Variants in MAP3K20 observed in about 807,000 individuals in gnomAD.
The protein encoded by MAP3K20 is HCCS-4.
MAP3K20 carries 40 observed loss-of-function variants against 85.7 expected under a neutral mutation model. That is an observed-to-expected ratio of 0.47 (90% confidence interval 0.36 to 0.61). The LOEUF is 0.61. Among genes scored for constraint, MAP3K20 ranks in the 20% least tolerant of loss-of-function variants. The probability of loss-of-function intolerance (pLI) is 0.00; values close to 1 mark genes in which losing one functional copy is unlikely to be tolerated. For missense variants in MAP3K20, 817 were observed against 961.7 expected (o/e 0.85, Z 1.99); for synonymous variants, 325 against 327.7 (o/e 0.99, Z 0.09).
At chr2:173,235,928 A>G (rs1034951179) in intron 14 of MAP3K20, among the ~76,000 whole-genome samples, 2 of 152,120 alleles carry the variant, frequency 1.3e-5, no homozygotes, top group African/African-American at 4.8e-5. Flanking sequence ...ATGCTGTTAC[A>G]AAAGTCAAAC....
rs116958124 is a variant in MAP3K20, at chr2:173,258,161, G to A, written c.1360-538G>A. Among the ~76,000 whole-genome samples, 138 of 152,208 alleles carry A rather than the reference G, an allele frequency of 9.1e-4. 2 individuals carry two copies. The East Asian group carries it at 0.021, about 24-fold the overall frequency. On this transcript the variant is annotated intron_variant, in intron 16 of 19. Coordinates refer to ENST00000375213, the MANE Select transcript of MAP3K20 (RefSeq NM_016653.3). ...CCACCCCATAACTCCCTAGTTGTCC[G>A]TTATCATACATCATCACATTTGCAC...
At chr2:173,144,462 C>CAAAAAAAAAA (rs71018537) in intron 2 of MAP3K20, among the ~76,000 whole-genome samples, 2 of 92,874 alleles carry the variant, frequency 2.2e-5, no homozygotes, top group East Asian at 3.6e-4. Flanking sequence ...GACTCCGTCT[C>CAAAAAAAAAA]AAAAAAAAAA....
intron 2 of MAP3K20, among the ~76,000 whole-genome samples, chr2:173,158,721 C>G (rs150626736): frequency 1.3e-5 from 2 of 152,314 alleles, no homozygotes; most frequent in East Asian, 3.9e-4. Flanking sequence ...AAGGACTTAG[C>G]ATTGGTGGAG....
At chr2:173,169,778 C>T (rs1232657949) in intron 2 of MAP3K20, 27 bp from the exon 3 acceptor site, 1 of 1,595,438 alleles carries the variant, frequency 6.3e-7, no homozygotes, top group Non-Finnish European at 8.6e-7. Flanking sequence ...AAATGTTATG[C>T]AACTTTGCAT....
chr2:173,159,992 T>C (rs1380512056), intron 2 of MAP3K20: 1 of 152,116 alleles, frequency 6.6e-6, no homozygotes, highest in Non-Finnish European at 1.5e-5. Context: ...TTCCCAGCAC[T>C]GGTGACTCCA....
At chr2:173,187,743 AC>A in intron 5 of MAP3K20, 120 bp downstream of exon 5, 1 of 764,500 alleles carries the variant, frequency 1.3e-6, no homozygotes, top group Non-Finnish European at 2.0e-6. Flanking sequence ...CACTGCTGAT[AC>A]CATGGAAGCC....
chr2:173,078,829 A>G (rs1686936631), intron 1 of MAP3K20, among the ~76,000 whole-genome samples: 1 of 152,230 alleles, frequency 6.6e-6, no homozygotes, highest in Admixed American at 6.5e-5. Context: ...GCAGAATGTT[A>G]TTAACAAAAA....
chr2:173,176,600 A>AT (rs146320673), intron 3 of MAP3K20, among the ~76,000 whole-genome samples: 43 of 152,282 alleles, frequency 2.8e-4, no homozygotes, highest in African/African-American at 9.9e-4. Flanking sequence ...ATAGATTAAA[A>AT]TTTTTTATTG....
intron 2 of MAP3K20, among the ~76,000 whole-genome samples, chr2:173,110,326 TC>T (rs1292235992): frequency 1.5e-5 from 2 of 137,410 alleles, no homozygotes; most frequent in Non-Finnish European, 3.1e-5. Flanking sequence ...TGATCATGGC[TC>T]ACTGCAGCCC....
intron 17 of MAP3K20, 30 bp downstream of exon 17, chr2:173,258,845 T>C: frequency 7.3e-7 from 1 of 1,375,542 alleles, no homozygotes; most frequent in Non-Finnish European, 1.0e-6. Flanking sequence ...TTAAAAGCTC[T>C]TTTGAATTCA....
intron 1 of MAP3K20, among the ~76,000 whole-genome samples, 165 bp downstream of exon 1, chr2:173,076,167 CCGG>C (rs1050164462): frequency 6.6e-6 from 1 of 151,310 alleles, no homozygotes; most frequent in African/African-American, 2.4e-5. Flanking sequence ...CAGGGCCCGC[CCGG>C]CGGCGGCGGC....
intron 16 of MAP3K20, among the ~76,000 whole-genome samples, chr2:173,242,518 T>G (rs1684812052): frequency 6.6e-6 from 1 of 151,836 alleles, no homozygotes; most frequent in Admixed American, 6.6e-5. Context: ...AATGGAAAAC[T>G]GAAAAATCTA....
chr2:173,200,247 G>T (rs1691003389), intron 8 of MAP3K20, among the ~76,000 whole-genome samples: 1 of 152,102 alleles, frequency 6.6e-6, no homozygotes, highest in Non-Finnish European at 1.5e-5. Context: ...ATTTAAGAAG[G>T]TATCTTCATT....
At chr2:173,176,394 A>AT (rs200434117) in intron 3 of MAP3K20, among the ~76,000 whole-genome samples, 1,936 of 152,260 alleles carry the variant, frequency 0.013, 23 homozygotes, top group Middle Eastern at 0.024. Flanking sequence ...ATATATTAAT[A>AT]TATCACAACA....
chr2:173,265,324 G>C (rs1302902991), intron 19 of MAP3K20, among the ~76,000 whole-genome samples: 1 of 152,230 alleles, frequency 6.6e-6, no homozygotes, highest in Non-Finnish European at 1.5e-5. Flanking sequence ...CAGGTGTGAG[G>C]AACTTGCTTA....
At chr2:173,075,718 C>T (rs1033561482), upstream of MAP3K20, 2 of 984,542 alleles carry the variant, frequency 2.0e-6, no homozygotes, top group Non-Finnish European at 2.4e-6. Context: ...GCGGATGGTG[C>T]CCCCCGGGCG....
chr2:173,087,452 A>G (rs1311478928), intron 1 of MAP3K20, among the ~76,000 whole-genome samples: 1 of 152,254 alleles, frequency 6.6e-6, no homozygotes, highest in Non-Finnish European at 1.5e-5. Flanking sequence ...CAAAGTGGCT[A>G]TAAGTGGTAA....
intron 2 of MAP3K20, among the ~76,000 whole-genome samples, chr2:173,117,392 C>T (rs1688155999): frequency 6.6e-6 from 1 of 152,134 alleles, no homozygotes; most frequent in Non-Finnish European, 1.5e-5. Flanking sequence ...GATCTGGCTA[C>T]CTCAGCCTCC....
At chr2:173,101,265 C>G (rs1687631637) in intron 2 of MAP3K20, among the ~76,000 whole-genome samples, 1 of 152,086 alleles carries the variant, frequency 6.6e-6, no homozygotes, top group South Asian at 2.1e-4. Context: ...ATTTGCAAGC[C>G]AAAGCCCCTA....
Sources: allele counts gnomAD v4.1 joint callset (sites outside exome capture counted in the v4.1 genomes callset), GRCh38; gene constraint gnomAD v4.1.1; transcripts MANE v1.5; gene names NCBI Gene and HGNC (gene_info 2026-07-23, HGNC 2026-07-21).